Variants in PKD1L3 observed in about 807,000 individuals in gnomAD.
The protein encoded by PKD1L3 is polycystin-1-like protein 3.
PKD1L3 carries 239 observed loss-of-function variants against 184.1 expected under a neutral mutation model. The ratio of observed to expected loss-of-function variants is 1.30; its 90% CI spans 1.17 to 1.45. PKD1L3 has a LOEUF of 1.45. PKD1L3 is among the 40% of genes most tolerant of loss of function. PKD1L3 has a pLI of 0.00. For synonymous variants in PKD1L3, 996 were observed against 778.8 expected (o/e 1.28, Z -4.64); for missense variants, 2,660 against 2,067.2 (o/e 1.29, Z -5.56).
At chr16:71,943,273 AC>A (rs917344072) in intron 23 of PKD1L3, among the ~76,000 whole-genome samples, 28 of 152,130 alleles carry the variant, frequency 1.8e-4, no homozygotes, top group African/African-American at 6.5e-4. Context: ...ACAGTGGCTC[AC>A]ACCTGTAATC....
chr16:71,964,228 C>T lies in PKD1L3; in HGVS notation c.2466-877G>A, dbSNP rs1017759710. ...TTCACCTCACAACTATTCGGCAAAC[C>T]TCCTCCTTTACTGTAATGATGCTAT... On this transcript the variant is annotated intron_variant, in intron 15 of 29. Coordinates refer to ENST00000620267, the MANE Select transcript of PKD1L3 (RefSeq NM_181536.2). Among the ~76,000 whole-genome samples the T allele has an allele frequency of 3.3e-5, 5 of 150,068 alleles. No individual in the cohort carries two copies. The East Asian group carries it at 9.8e-4, about 29-fold the overall frequency.
At chr16:71,941,256 C>T (rs955425161) in intron 24 of PKD1L3, among the ~76,000 whole-genome samples, 3 of 151,758 alleles carry the variant, frequency 2.0e-5, no homozygotes, top group Non-Finnish European at 4.4e-5. Flanking sequence ...AAAAAACCAC[C>T]ATAATATCCT....
At chr16:71,947,665 G>A (rs1314683163) in intron 21 of PKD1L3, 74 bp from the exon 22 acceptor site, 27 of 1,005,896 alleles carry the variant, frequency 2.7e-5, no homozygotes, top group Non-Finnish European at 5.9e-6. Context: ...TGTAAAGGAA[G>A]AGGTGGGCAC....
At chr16:71,930,565 C>G (rs985991237) in intron 28 of PKD1L3, 2 of 157,308 alleles carry the variant, frequency 1.3e-5, no homozygotes, top group African/African-American at 4.8e-5. Flanking sequence ...TGCACACTGT[C>G]TCTGCCATAT....
intron 17 of PKD1L3, 26 bp from the exon 18 acceptor site, chr16:71,953,119 T>C: frequency 7.0e-7 from 1 of 1,433,180 alleles, no homozygotes. Flanking sequence ...GACATCAACT[T>C]TCATCTTCAA....
intron 4 of PKD1L3, among the ~76,000 whole-genome samples, chr16:71,988,485 G>T (rs147591515): frequency 6.6e-6 from 1 of 152,166 alleles, no homozygotes; most frequent in East Asian, 1.9e-4. Flanking sequence ...ATAAGCCACC[G>T]CACCAAGCCA....
At chr16:71,935,552 C>A in intron 25 of PKD1L3, 34 bp from the exon 26 acceptor site, 1 of 1,543,946 alleles carries the variant, frequency 6.5e-7, no homozygotes, top group Non-Finnish European at 8.8e-7. Flanking sequence ...TGTTGCTTGT[C>A]TGAGAGATTA....
At position 71,935,443 on chromosome 16, in the gene PKD1L3, T is replaced by G; in HGVS notation, c.4528A>C (p.Ile1510Leu). The G allele has an allele frequency of 6.4e-7, 1 of 1,552,136 alleles. No homozygotes were observed. Among genetic ancestry groups the G allele is most frequent in the Non-Finnish European group, 8.7e-7 (1 of 1,147,054 alleles). ...RNILDTSIIL[I>L]SFILLGLDMK... ...TCAAGCCCCAGGAGGATGAAGCTAA[T>G]GAGGATTATACTTGTGTCCAGAATG... The change falls in exon 26 of 30, where the codon ATT becomes CTT. Residue 1510 changes from isoleucine (I) to leucine (L), a missense_variant. Ile to Leu is a conservative substitution (Grantham distance 5). Coordinates refer to ENST00000620267, the MANE Select transcript of PKD1L3 (RefSeq NM_181536.2).
intron 18 of PKD1L3, among the ~76,000 whole-genome samples, chr16:71,952,560 C>T (rs2038880952): frequency 6.7e-6 from 1 of 149,036 alleles, no homozygotes; most frequent in East Asian, 2.2e-4. Context: ...ACTGGCTGGG[C>T]ACGGTGGCTT....
chr16:71,964,349 T>C (rs1380722393), intron 15 of PKD1L3, among the ~76,000 whole-genome samples: 1 of 76,536 alleles, frequency 1.3e-5, no homozygotes, highest in Non-Finnish European at 2.4e-5. Flanking sequence ...TTTTTTTTTT[T>C]TTTTTTTGAG....
At position 71,949,814 on chromosome 16, in the gene PKD1L3, A is replaced by G; in HGVS notation, c.3587T>C (p.Leu1196Pro). 6.4e-7 allele frequency: 1 copy of G among 1,551,198 alleles called. No homozygotes were observed. Among genetic ancestry groups the G allele is most frequent in the Non-Finnish European group, 8.7e-7 (1 of 1,146,938 alleles). Residue 1196 changes from leucine to proline, a missense_variant, in exon 21 of 30, where the codon CTT becomes CCT. Leu to Pro is a moderately conservative substitution (Grantham distance 98). Transcript: ENST00000620267. ...SWMISIILSV[L>P]QNIFISQPVK... Reference sequence around the variant, plus strand: ...TGGCTGGCTGATGAAGATGTTCTGAAGCACTGATAAAATAATTGAAATCAT... The same window carrying G: ...TGGCTGGCTGATGAAGATGTTCTGAGGCACTGATAAAATAATTGAAATCAT...
intron 18 of PKD1L3, among the ~76,000 whole-genome samples, chr16:71,952,454 C>T (rs969748017): frequency 6.6e-6 from 1 of 150,794 alleles, no homozygotes; most frequent in South Asian, 2.1e-4. Flanking sequence ...CTCCTGACCT[C>T]GTGATCCGCC....
rs1208262942 is a variant in PKD1L3 at position 71,982,210 on chromosome 16, T to TA, written c.991dup (p.Tyr331LeufsTer4). ...GATCCTGAGTAACTCCTCACTCAGGTAAATAAGGGAATTGATGAGATTAAC... is the reference window on the plus strand; with the variant it reads ...GATCCTGAGTAACTCCTCACTCAGGTAAAATAAGGGAATTGATGAGATTAAC... On this transcript the variant is annotated frameshift_variant, in exon 7 of 30. Transcript: ENST00000620267. LOFTEE classifies it high-confidence loss of function. 8 of 1,542,030 alleles carry TA rather than the reference T, an allele frequency of 5.2e-6. No individual in the cohort carries two copies. Among genetic ancestry groups the TA allele is most frequent in the Non-Finnish European group, 7.0e-6 (8 of 1,142,886 alleles).
At position 71,938,377 on chromosome 16, in the gene PKD1L3, C is replaced by T. The variant is rs189118132; in HGVS notation, c.4325-958G>A. Among the ~76,000 whole-genome samples, 116 of 152,266 alleles carry T rather than the reference C, an allele frequency of 7.6e-4. 1 individual carries two copies. The highest frequency in any genetic ancestry group is 2.5e-3 in the African/African-American group (105 of 41,552). ...GGCTGAGGGTGGCTTGCCATGGGCC[C>T]GCAGGTGCCCCTTGGCACAAACAGC... is the stretch of plus-strand genomic sequence containing the variant. On this transcript the variant is annotated intron_variant, in intron 24 of 29. Transcript: ENST00000620267.
intron 2 of PKD1L3, among the ~76,000 whole-genome samples, chr16:71,994,065 C>T (rs529008138): frequency 3.7e-4 from 56 of 152,222 alleles, no homozygotes; most frequent in Middle Eastern, 6.3e-3. Context: ...CCACCACGCC[C>T]GTCTGGCAAT....
At position 71,999,524 on chromosome 16, in the gene PKD1L3, G is replaced by C. The variant is rs145971298; in HGVS notation, c.295+160C>G. ...GCTAACAGACAAATCAAAGGCTGTCGCACAAAATGGAAATATTTCAGAGGA... is the reference window on the plus strand; with the variant it reads ...GCTAACAGACAAATCAAAGGCTGTCCCACAAAATGGAAATATTTCAGAGGA... On this transcript the variant is annotated intron_variant, in intron 1 of 29. Transcript: ENST00000620267. 8.9e-4 allele frequency among the ~76,000 whole-genome samples: 135 copies of C among 152,218 alleles called. 1 individual carries two copies. The highest frequency in any genetic ancestry group is 3.0e-3 in the African/African-American group (123 of 41,536).
chr16:71,959,858 C>G (rs1296408601), intron 16 of PKD1L3, among the ~76,000 whole-genome samples: 1 of 152,184 alleles, frequency 6.6e-6, no homozygotes, highest in African/African-American at 2.4e-5. Context: ...TGGCTCACAC[C>G]TGTAATCCTA....
At position 71,948,894 on chromosome 16, in the gene PKD1L3, C is replaced by A. The variant is rs554800272; in HGVS notation, c.3618+889G>T. Among the ~76,000 whole-genome samples the A allele has an allele frequency of 5.4e-5, 8 of 149,160 alleles. No individual in the cohort carries two copies. The South Asian group carries it at 1.5e-3, about 28-fold the overall frequency. ...AGAGTTGTATATCCACCACTACAGT[C>A]AAGATACCAAGTAGTTTCATCACCC... On this transcript the variant is annotated intron_variant, in intron 21 of 29. Transcript: ENST00000620267.
At chr16:71,964,723 C>T (rs571405715) in intron 15 of PKD1L3, among the ~76,000 whole-genome samples, 1 of 152,150 alleles carries the variant, frequency 6.6e-6, no homozygotes, top group East Asian at 1.9e-4. Flanking sequence ...CTTCCAGTCA[C>T]CTCCTGCCCC....
Sources: allele counts gnomAD v4.1 joint callset (sites outside exome capture counted in the v4.1 genomes callset), GRCh38; gene constraint gnomAD v4.1.1; transcripts MANE v1.5; gene names NCBI Gene and HGNC (gene_info 2026-07-23, HGNC 2026-07-21).